Variants in IL1RL2 observed in about 807,000 individuals in gnomAD.
IL1RL2 encodes interleukin-1 receptor-like 2.
A neutral mutation model predicts 66.8 loss-of-function variants in IL1RL2; 68 were observed. That is an observed-to-expected ratio of 1.02 (90% CI 0.84 to 1.25). The LOEUF is 1.25. Among genes scored for constraint, IL1RL2 ranks in the 50% most tolerant of loss-of-function variants. The pLI, the probability that IL1RL2 is intolerant of heterozygous loss-of-function variation, is 0.00. For missense variants in IL1RL2, 729 were observed against 709.3 expected (o/e 1.03, Z -0.32); for synonymous variants, 305 against 264.6 (o/e 1.15, Z -1.48).
intron 11 of IL1RL2, 81 bp from the exon 12 acceptor site, chr2:102,239,111 C>CA: frequency 3.9e-6 from 5 of 1,291,722 alleles, no homozygotes; most frequent in Non-Finnish European, 5.6e-6. Context: ...GAGGTTTTCG[C>CA]ATTCCCATGG....
In IL1RL2 at chr2:102,201,364, A is replaced by G. The variant is rs115648216; in HGVS notation, c.490-192A>G. 4.5e-3 allele frequency among the ~76,000 whole-genome samples: 684 copies of G among 152,286 alleles called. 4 individuals carry two copies. The highest frequency in any genetic ancestry group is 0.016 in the African/African-American group (660 of 41,570). On this transcript the variant is annotated intron_variant, in intron 4 of 11. Transcript: ENST00000264257. ...ACACACACACATATATACACATTAT[A>G]TACAGACTAGGCAGGGAATTCTGCT...
chr2:102,187,775 G>C (rs1316540320), intron 1 of IL1RL2, 81 bp from the exon 2 acceptor site: 5 of 1,210,916 alleles, frequency 4.1e-6, no homozygotes, highest in African/African-American at 1.5e-5. Flanking sequence ...TTGTCTTTGA[G>C]ATTCCGAGGT....
chr2:102,187,300 G>A (rs2104688929), intron 1 of IL1RL2: 5 of 1,175,334 alleles, frequency 4.3e-6, no homozygotes, highest in Non-Finnish European at 5.4e-6. Flanking sequence ...CAGCTCCAGC[G>A]GCTCCCTGCC....
At chr2:102,210,332 G>A (rs1028740624) in intron 5 of IL1RL2, among the ~76,000 whole-genome samples, 1 of 152,198 alleles carries the variant, frequency 6.6e-6, no homozygotes, top group Non-Finnish European at 1.5e-5. Context: ...CCAAGATCAA[G>A]TAGGAACCAG....
chr2:102,205,650 T>G (rs1688641162), intron 5 of IL1RL2, among the ~76,000 whole-genome samples: 1 of 152,236 alleles, frequency 6.6e-6, no homozygotes, highest in Non-Finnish European at 1.5e-5. Context: ...CTCTTGCTGC[T>G]TTTAGAATCC....
At chr2:102,194,710 C>CTG (rs145175486) in intron 4 of IL1RL2, among the ~76,000 whole-genome samples, 39,922 of 151,234 alleles carry the variant, frequency 0.26, 6,119 homozygotes, top group East Asian at 0.4. Flanking sequence ...ACTTGGATGT[C>CTG]TGTGTGTGTG....
chr2:102,206,342 T>C (rs1015631702), intron 5 of IL1RL2, among the ~76,000 whole-genome samples: 2 of 152,134 alleles, frequency 1.3e-5, no homozygotes, highest in African/African-American at 4.8e-5. Context: ...AAGTTAGGTA[T>C]TTATTGTAGT....
In IL1RL2 at chr2:102,197,356, A is replaced by G. The variant is rs111767244; in HGVS notation, c.490-4200A>G. Among the ~76,000 whole-genome samples, 1,089 of 152,232 alleles carry G rather than the reference A, an allele frequency of 7.2e-3. 16 individuals are homozygous for G. Among genetic ancestry groups the G allele is most frequent in the African/African-American group, 0.025 (1,051 of 41,526 alleles). On this transcript the variant is annotated intron_variant, in intron 4 of 11. Transcript: ENST00000264257. ...GGAAGGGAAGTGATTCAAGTGATGG[A>G]CACGTGAATCCAGGATGGACAGGAA...
Position 102,218,974 on chromosome 2 carries a change from G to T in IL1RL2, c.746G>T (p.Cys249Phe). 6.2e-7 allele frequency: 1 copy of T among 1,613,212 alleles called. No homozygotes were observed. The highest frequency in any genetic ancestry group is 8.5e-7 in the Non-Finnish European group (1 of 1,179,256). Residue 249 changes from cysteine (C) to phenylalanine (F), a missense_variant, in exon 7 of 12, where the codon TGC (cysteine) becomes TTC (phenylalanine). By Grantham distance (205) the Cys-to-Phe change is radical. Transcript: ENST00000264257. ...VQLGTTLIVD[C>F]NVTDTKDNTN... ...TTAGGTACCACTCTGATTGTGGACT[G>T]CAATGTAACAGACACCAAGGATAAT...
rs976420756 is a variant in IL1RL2 at position 102,196,150 on chromosome 2, T to A, written c.489+4030T>A. ...GCACTTGGAGATGGACTCAGGGCTA[T>A]GACTAGCAATCCTAAGTGAGCATCG... On this transcript the variant is annotated intron_variant, in intron 4 of 11. Transcript: ENST00000264257. Among the ~76,000 whole-genome samples, 49 of 152,212 alleles carry A rather than the reference T, an allele frequency of 3.2e-4. 1 individual carries two copies. The highest frequency in any genetic ancestry group is 1.5e-4 in the Non-Finnish European group (10 of 68,030).
At chr2:102,233,425 TGTA>T (rs1691327778) in intron 10 of IL1RL2, among the ~76,000 whole-genome samples, 1 of 152,188 alleles carries the variant, frequency 6.6e-6, no homozygotes, top group Non-Finnish European at 1.5e-5. Flanking sequence ...TGGCCAGTGA[TGTA>T]GTGGTGGCTA....
chr2:102,211,330 G>A (rs967413112), intron 5 of IL1RL2, among the ~76,000 whole-genome samples: 1 of 152,154 alleles, frequency 6.6e-6, no homozygotes, highest in Admixed American at 6.5e-5. Flanking sequence ...AAGACTGAGG[G>A]GCAGGGAGTC....
intron 6 of IL1RL2, among the ~76,000 whole-genome samples, chr2:102,217,096 C>T (rs4851001): frequency 0.28 from 42,634 of 151,934 alleles, 6,610 homozygotes; most frequent in East Asian, 0.38. Flanking sequence ...TAATTATCAC[C>T]CTTTCACTTT....
At chr2:102,188,302 T>G (rs941913090) in intron 2 of IL1RL2, among the ~76,000 whole-genome samples, 2 of 152,180 alleles carry the variant, frequency 1.3e-5, no homozygotes, top group Non-Finnish European at 1.5e-5. Flanking sequence ...AAATTTGGTA[T>G]GGCCGGGCGC....
Position 102,239,194 on chromosome 2 carries a change from C to T in IL1RL2, c.1681C>T (p.Pro561Ser). 2 of 1,613,924 alleles carry T rather than the reference C, an allele frequency of 1.2e-6. No homozygotes were observed. Among genetic ancestry groups the T allele is most frequent in the African/African-American group, 1.3e-5 (1 of 75,034 alleles). ...QHTPCYRTAG[P>S]ELGSRRKKCT... Reference sequence around the variant, plus strand: ...AAATAGATCTTTCCTGATTTCAGGCCCAGAACTAGGCTCAAGAAGAAAGAA... The same window carrying T: ...AAATAGATCTTTCCTGATTTCAGGCTCAGAACTAGGCTCAAGAAGAAAGAA... The change falls in exon 12 of 12, where the codon CCA becomes TCA. Residue 561 changes from proline to serine, a missense_variant and splice_region_variant. Physicochemically the swap from Pro to Ser is moderately conservative, Grantham distance 74 (BLOSUM62 -1). Coordinates refer to ENST00000264257, the MANE Select transcript of IL1RL2 (RefSeq NM_003854.4).
chr2:102,218,842 A>T, intron 6 of IL1RL2, 111 bp from the exon 7 acceptor site: 2 of 903,460 alleles, frequency 2.2e-6, no homozygotes, highest in South Asian at 1.7e-5. Context: ...ATTTCTGGTA[A>T]TCAAAAGGTA....
intron 4 of IL1RL2, among the ~76,000 whole-genome samples, chr2:102,197,732 T>A (rs898837143): frequency 3.3e-5 from 5 of 152,226 alleles, no homozygotes; most frequent in Non-Finnish European, 5.9e-5. Flanking sequence ...CCAGCAGCAT[T>A]GAAGTGTCCA....
At position 102,219,978 on chromosome 2, in the gene IL1RL2, G is replaced by A. The variant is rs745403514; in HGVS notation, c.952G>A (p.Ala318Thr). Residue 318 changes from alanine to threonine, a missense_variant, in exon 8 of 12, where the codon GCT becomes ACT. Transcript: ENST00000264257. ...TTATGGCCTTCCTTTCATGTGCCAC[G>A]CTGGAGTGTCCACAGCATACATTAT... ...EDYGLPFMCH[A>T]GVSTAYIILQ... is the part of the protein sequence containing the mutation. 12 of 1,613,822 alleles carry A rather than the reference G, an allele frequency of 7.4e-6. No homozygotes were observed. Among genetic ancestry groups the A allele is most frequent in the Admixed American group, 3.3e-5 (2 of 59,986 alleles).
At chr2:102,213,148 A>G (rs1689323544) in intron 6 of IL1RL2, among the ~76,000 whole-genome samples, 1 of 152,342 alleles carries the variant, frequency 6.6e-6, no homozygotes, top group African/African-American at 2.4e-5. Flanking sequence ...ACAACAAAAC[A>G]ACACAATTGT....
Sources: gnomAD v4.1 joint callset for allele counts (sites outside exome capture counted in the v4.1 genomes callset) on GRCh38, gnomAD v4.1.1 for gene constraint, MANE v1.5 for transcripts, NCBI Gene and HGNC (gene_info 2026-07-23, HGNC 2026-07-21) for gene names.